WASHC4: variants seen among roughly 807,000 people sequenced by gnomAD.
The protein encoded by WASHC4 is WASH complex subunit 4.
In WASHC4, 86 loss-of-function variants were observed where a neutral mutation model predicts 166.6. The observed-to-expected ratio is 0.52, with a 90% CI of 0.43 to 0.62. The LOEUF (loss-of-function observed/expected upper bound fraction) is 0.62. Among genes scored for constraint, WASHC4 ranks in the 20% least tolerant of loss-of-function variants. The pLI is 0.00. For synonymous variants in WASHC4, 446 were observed against 451.6 expected (o/e 0.99, Z 0.16); for missense variants, 1,262 against 1,382.4 (o/e 0.91, Z 1.38).
At chr12:105,147,542 C>T (rs1883402383) in intron 24 of WASHC4, 7 of 960,526 alleles carry the variant, frequency 7.3e-6, no homozygotes, top group African/African-American at 1.8e-5. Flanking sequence ...CTTTTTGGGG[C>T]AGGGTTTGCT....
chr12:105,147,883 C>T, intron 24 of WASHC4: 13 of 937,518 alleles, frequency 1.4e-5, no homozygotes, highest in Non-Finnish European at 1.5e-5. Context: ...CCAGCTTGGG[C>T]AGCAAGAGCG....
intron 8 of WASHC4, 96 bp downstream of exon 8, chr12:105,120,693 C>T (rs1484724361): frequency 4.6e-6 from 4 of 865,404 alleles, no homozygotes; most frequent in African/African-American, 1.7e-5. Flanking sequence ...CATAGGAACA[C>T]TCTTAAAGAG....
intron 13 of WASHC4, among the ~76,000 whole-genome samples, chr12:105,131,615 T>C (rs922606547): frequency 6.6e-6 from 1 of 152,218 alleles, no homozygotes; most frequent in Non-Finnish European, 1.5e-5. Flanking sequence ...TCCTTGCTTA[T>C]GACTTTTCTG....
chr12:105,151,325 C>T (rs753679520), intron 25 of WASHC4, among the ~76,000 whole-genome samples: 1 of 152,030 alleles, frequency 6.6e-6, no homozygotes, highest in African/African-American at 2.4e-5. Flanking sequence ...TTGCCATATG[C>T]GGAACTATTT....
At chr12:105,121,010 A>G in intron 8 of WASHC4, 91 bp from the exon 9 acceptor site, 1 of 826,648 alleles carries the variant, frequency 1.2e-6, no homozygotes, top group Non-Finnish European at 2.1e-6. Context: ...CTAATTCAGT[A>G]ATCAGCCCAA....
intron 26 of WASHC4, chr12:105,155,145 A>G (rs967898337): frequency 2.6e-5 from 4 of 152,194 alleles, no homozygotes; most frequent in African/African-American, 9.6e-5. Context: ...AGTGAAGAAG[A>G]CAAAGGCTGT....
chr12:105,129,574 G>T (rs529184889), intron 13 of WASHC4, among the ~76,000 whole-genome samples: 8 of 152,212 alleles, frequency 5.3e-5, no homozygotes, highest in Non-Finnish European at 8.8e-5. Flanking sequence ...TTTTGAGAGG[G>T]TCACAAACTG....
intron 1 of WASHC4, among the ~76,000 whole-genome samples, chr12:105,109,866 T>G (rs886710164): frequency 8.5e-5 from 13 of 152,146 alleles, no homozygotes; most frequent in African/African-American, 3.1e-4. Flanking sequence ...GGCCTTGGCC[T>G]CCTAAAGTGT....
chr12:105,132,786 TAGTGTGTGTGTGTG>T (rs1881968144), intron 13 of WASHC4, among the ~76,000 whole-genome samples: 1 of 82,416 alleles, frequency 1.2e-5, no homozygotes, highest in African/African-American at 5.3e-5. Context: ...GTGAAAGAGG[TAGTGTGTGTGTGTG>T]TGTGTGTGTG....
At chr12:105,157,184 A>G (rs1006620259) in intron 27 of WASHC4, 52 bp from the exon 28 acceptor site, 29 of 902,294 alleles carry the variant, frequency 3.2e-5, no homozygotes, top group East Asian at 2.4e-4. Flanking sequence ...ATCTGTGTCA[A>G]TTGCACATAT....
intron 10 of WASHC4, among the ~76,000 whole-genome samples, 169 bp from the exon 11 acceptor site, chr12:105,125,835 C>T (rs1173807157): frequency 6.6e-6 from 1 of 151,890 alleles, no homozygotes; most frequent in East Asian, 1.9e-4. Flanking sequence ...ATTTTTCATT[C>T]ACAAAGATCT....
At chr12:105,163,832 C>T (rs992273645) in intron 30 of WASHC4, among the ~76,000 whole-genome samples, 1 of 151,950 alleles carries the variant, frequency 6.6e-6, no homozygotes, top group Non-Finnish European at 1.5e-5. Flanking sequence ...ACAGCTATAT[C>T]GTTTCTCCTG....
intron 13 of WASHC4, among the ~76,000 whole-genome samples, chr12:105,131,765 A>G (rs1881845528): frequency 6.6e-6 from 1 of 152,344 alleles, no homozygotes; most frequent in Middle Eastern, 3.4e-3. Context: ...TAAGTCAAAC[A>G]GTATGTTTCA....
intron 16 of WASHC4, 77 bp downstream of exon 16, chr12:105,140,478 C>A: frequency 9.6e-7 from 1 of 1,036,770 alleles, no homozygotes; most frequent in South Asian, 1.3e-5. Context: ...TATGTGTTTT[C>A]TGGTTTAACC....
chr12:105,142,489 G>C lies in WASHC4; in HGVS notation c.1824G>C (p.Trp608Cys). 1 of 1,610,476 alleles carries C rather than the reference G, an allele frequency of 6.2e-7. No homozygotes were observed. Among genetic ancestry groups the C allele is most frequent in the Non-Finnish European group, 8.5e-7 (1 of 1,177,608 alleles). ...QTQCDCCFLY[W>C]HRAVFPIYLD... The stretch of plus-strand genomic sequence containing the variant: ...AATGTGACTGTTGTTTTTTATACTG[G>C]CATCGAGCTGTCTTCCCAATTTATT... Residue 608 changes from tryptophan (W) to cysteine (C), a missense_variant, in exon 19 of 33, where the codon TGG (tryptophan) becomes TGC (cysteine). By Grantham distance (215) the Trp-to-Cys change is radical (BLOSUM62 -2). Transcript: ENST00000332180.
rs771098269 is a variant in WASHC4 at position 105,160,135 on chromosome 12, T to G, written c.3047T>G (p.Ile1016Ser). The stretch of plus-strand genomic sequence containing the variant: ...ATACATCTCCGAAATTTCTATATAA[T>G]TGTTCCCCCTCTGGTGAGTATTTCC... ...KNIHLRNFYI[I>S]VPPLTLNFVE... is the part of the protein sequence containing the mutation. The change falls in exon 29 of 33, where the codon ATT becomes AGT. Residue 1016 changes from isoleucine (I) to serine (S), a missense_variant. By Grantham distance (142) the Ile-to-Ser change is moderately radical (BLOSUM62 -2). Transcript: ENST00000332180. The G allele has an allele frequency of 6.2e-7, 1 of 1,613,802 alleles. No individual in the cohort carries two copies. The highest frequency in any genetic ancestry group is 8.5e-7 in the Non-Finnish European group (1 of 1,179,706).
intron 4 of WASHC4, 136 bp from the exon 5 acceptor site, chr12:105,115,048 G>T (rs1397429411): frequency 3.4e-6 from 2 of 587,790 alleles, no homozygotes; most frequent in Non-Finnish European, 6.2e-6. Flanking sequence ...TTTATAAACA[G>T]ATTTTGAATT....
At chr12:105,151,603 C>T (rs1592908619) in intron 25 of WASHC4, among the ~76,000 whole-genome samples, 1 of 151,828 alleles carries the variant, frequency 6.6e-6, no homozygotes, top group African/African-American at 2.4e-5. Flanking sequence ...TGCCTCAGCC[C>T]CCTGAGTAGC....
chr12:105,138,534 T>C (rs1468193199), intron 15 of WASHC4, among the ~76,000 whole-genome samples: 1 of 152,146 alleles, frequency 6.6e-6, no homozygotes, highest in Non-Finnish European at 1.5e-5. Flanking sequence ...TACAGTGCAC[T>C]TATGCAAGTA....
Sources: allele counts gnomAD v4.1 joint callset (sites outside exome capture counted in the v4.1 genomes callset), GRCh38; gene constraint gnomAD v4.1.1; transcripts MANE v1.5; gene names NCBI Gene and HGNC (gene_info 2026-07-23, HGNC 2026-07-21).